FAM135B: variants seen among roughly 807,000 people sequenced by gnomAD.
FAM135B encodes the protein protein FAM135B.
A neutral mutation model predicts 127.7 loss-of-function variants in FAM135B; 43 were observed. The observed-to-expected ratio is 0.34, with a 90% CI of 0.26 to 0.43. The LOEUF is 0.43. Ranked by LOEUF, FAM135B falls within the 20% of genes least tolerant of loss-of-function variation. The pLI, the probability that FAM135B is intolerant of heterozygous loss-of-function variation, is 1.00. For synonymous variants in FAM135B, 670 were observed against 665.1 expected (o/e 1.01, Z -0.11); for missense variants, 1,558 against 1,725.6 (o/e 0.90, Z 1.72).
rs1311995075 is a variant in FAM135B at position 138,403,636 on chromosome 8, T to C, written c.-19-35634A>G. On this transcript the variant is annotated intron_variant, in intron 1 of 19. Transcript: ENST00000395297. ...GGTTGACAAGGCATCCCAATACCAA[T>C]GGAGAGTGGGGCTGGACCATGACCT... Among the ~76,000 whole-genome samples the C allele has an allele frequency of 4.6e-5, 7 of 152,160 alleles. No individual in the cohort carries two copies. In the East Asian group the frequency reaches 1.2e-3, roughly 25 times the overall value.
At chr8:138,234,021 C>T (rs1820093045) in intron 7 of FAM135B, among the ~76,000 whole-genome samples, 1 of 152,148 alleles carries the variant, frequency 6.6e-6, no homozygotes, top group South Asian at 2.1e-4. Flanking sequence ...TGACATCTCT[C>T]ATCATGCCTA....
intron 12 of FAM135B, among the ~76,000 whole-genome samples, chr8:138,165,348 G>A (rs1392368295): frequency 2.0e-5 from 3 of 151,868 alleles, no homozygotes; most frequent in Admixed American, 6.6e-5. Context: ...TCGAACTCCC[G>A]ACCTCAGGTG....
intron 4 of FAM135B, among the ~76,000 whole-genome samples, chr8:138,257,918 A>C (rs1159303387): frequency 6.6e-6 from 1 of 151,906 alleles, no homozygotes; most frequent in African/African-American, 2.4e-5. Context: ...AAAACAAAAC[A>C]AAACCCTGGA....
At chr8:138,178,954 A>G (rs944234820) in intron 9 of FAM135B, among the ~76,000 whole-genome samples, 3 of 152,202 alleles carry the variant, frequency 2.0e-5, no homozygotes, top group Non-Finnish European at 4.4e-5. Flanking sequence ...TTAGTCTAGC[A>G]GGCAAGATTG....
chr8:138,245,884 G>A (rs1400009357), intron 6 of FAM135B, among the ~76,000 whole-genome samples: 2 of 150,640 alleles, frequency 1.3e-5, no homozygotes, highest in Non-Finnish European at 2.9e-5. Context: ...ACTTTCTAGA[G>A]ACGTGTTGAA....
chr8:138,189,409 G>A (rs4354357), intron 9 of FAM135B, among the ~76,000 whole-genome samples: 32,225 of 152,176 alleles, frequency 0.21, 3,779 homozygotes, highest in Admixed American at 0.3. Flanking sequence ...AAGAGCTCGC[G>A]TACCACAGGT....
chr8:138,239,880 T>A (rs1820598583), intron 7 of FAM135B, among the ~76,000 whole-genome samples: 1 of 152,126 alleles, frequency 6.6e-6, no homozygotes, highest in Non-Finnish European at 1.5e-5. Flanking sequence ...ACCATCATTC[T>A]TAGCAAACTA....
chr8:138,248,974 G>A (rs1160848065), intron 6 of FAM135B, among the ~76,000 whole-genome samples: 1 of 152,128 alleles, frequency 6.6e-6, no homozygotes, highest in Non-Finnish European at 1.5e-5. Context: ...TGATAAGATG[G>A]TCTTGACTCC....
chr8:138,389,372 A>G (rs762367711), intron 1 of FAM135B, among the ~76,000 whole-genome samples: 23 of 152,262 alleles, frequency 1.5e-4, no homozygotes, highest in Middle Eastern at 3.2e-3. Flanking sequence ...TGTTCGTAGC[A>G]GCATTATTCA....
intron 1 of FAM135B, among the ~76,000 whole-genome samples, chr8:138,368,850 T>C (rs747842882): frequency 2.0e-5 from 3 of 152,142 alleles, no homozygotes; most frequent in Non-Finnish European, 2.9e-5. Context: ...AGCATCTAGA[T>C]ACCAGGAATG....
intron 1 of FAM135B, among the ~76,000 whole-genome samples, chr8:138,374,217 G>A (rs957367435): frequency 2.0e-5 from 3 of 152,136 alleles, no homozygotes; most frequent in Admixed American, 6.5e-5. Context: ...CTGATGCTTA[G>A]GGAAAATAGA....
In FAM135B at chr8:138,131,395, C is replaced by T. The variant is rs1816207604; in HGVS notation, c.*1198G>A. 6.6e-6 allele frequency: 1 copy of T among 152,556 alleles called. No homozygotes were observed. The highest frequency in any genetic ancestry group is 1.5e-5 in the Non-Finnish European group (1 of 68,044). The allele number at this position is 152,556 out of a possible 1,614,324, so 9.5% of individuals were successfully genotyped here. On this transcript the variant is annotated 3_prime_UTR_variant, in exon 20 of 20. Transcript: ENST00000395297. ...GACTATTAAACATCCTGGTAATTTT[C>T]AAAACTCCCCTTTGAGTCACTTACC... is the stretch of plus-strand genomic sequence containing the variant.
rs368888466 is a variant in FAM135B at position 138,422,774 on chromosome 8, T to C, written c.-19-54772A>G. ...ATTGTATTATTGGGTGTATATCCAA[T>C]TGAATATAAATTGTTCTACTGTAAA... On this transcript the variant is annotated intron_variant, in intron 1 of 19. Coordinates refer to ENST00000395297, the MANE Select transcript of FAM135B (RefSeq NM_015912.4). 6.1e-4 allele frequency among the ~76,000 whole-genome samples: 93 copies of C among 152,312 alleles called. 1 individual carries two copies. The East Asian group carries it at 0.012, about 20-fold the overall frequency.
chr8:138,487,352 C>CT (rs1408549396), intron 1 of FAM135B, among the ~76,000 whole-genome samples: 42 of 148,084 alleles, frequency 2.8e-4, no homozygotes, highest in Middle Eastern at 3.4e-3. Context: ...CATGGGACTA[C>CT]TTTTTTTTTT....
intron 1 of FAM135B, among the ~76,000 whole-genome samples, chr8:138,395,738 A>G (rs1286591656): frequency 1.3e-5 from 2 of 152,224 alleles, no homozygotes; most frequent in Admixed American, 1.3e-4. Flanking sequence ...GAAAGATTCT[A>G]GACTCTTAAA....
At chr8:138,164,106 A>G (rs1281157784) in intron 12 of FAM135B, among the ~76,000 whole-genome samples, 1 of 152,244 alleles carries the variant, frequency 6.6e-6, no homozygotes, top group Non-Finnish European at 1.5e-5. Context: ...GTAAGTATTA[A>G]GGTCACTGGG....
intron 1 of FAM135B, among the ~76,000 whole-genome samples, chr8:138,412,846 A>G (rs561438953): frequency 2.0e-5 from 3 of 152,206 alleles, no homozygotes; most frequent in South Asian, 2.1e-4. Flanking sequence ...CAACACTTGC[A>G]TCAGCAATCT....
chr8:138,484,601 T>C (rs1378904777), intron 1 of FAM135B, among the ~76,000 whole-genome samples: 1 of 152,162 alleles, frequency 6.6e-6, no homozygotes, highest in Non-Finnish European at 1.5e-5. Flanking sequence ...CTACAGCTCA[T>C]AGTAGGGGCT....
chr8:138,408,224 T>C (rs1833644876), intron 1 of FAM135B, among the ~76,000 whole-genome samples: 2 of 152,210 alleles, frequency 1.3e-5, no homozygotes, highest in African/African-American at 2.4e-5. Context: ...TTTTATGGCA[T>C]CTTTTTCCTC....
Sources: gnomAD v4.1 joint callset for allele counts (sites outside exome capture counted in the v4.1 genomes callset) on GRCh38, gnomAD v4.1.1 for gene constraint, MANE v1.5 for transcripts, NCBI Gene and HGNC (gene_info 2026-07-23, HGNC 2026-07-21) for gene names.